Variants in MACROD2 observed in about 807,000 individuals in gnomAD.
The protein encoded by MACROD2 is mono-ADP ribosylhydrolase 2, also known as ADP-ribose glycohydrolase MACROD2.
A neutral mutation model predicts 70.4 loss-of-function variants in MACROD2; 36 were observed. The observed-to-expected ratio is 0.51, with a 90% CI of 0.39 to 0.68. The LOEUF is 0.68. MACROD2 is among the 30% of genes least tolerant of loss of function. The pLI is 0.00. For synonymous variants in MACROD2, 172 were observed against 178.8 expected (o/e 0.96, Z 0.30); for missense variants, 496 against 538.4 (o/e 0.92, Z 0.78).
At chr20:15,118,756 C>A (rs976825339) in intron 5 of MACROD2, among the ~76,000 whole-genome samples, 1 of 152,140 alleles carries the variant, frequency 6.6e-6, no homozygotes, top group African/African-American at 2.4e-5. Context: ...CTATGGTGTG[C>A]TTTTCTTCAA....
chr20:15,810,583 C>T (rs2063810281), intron 8 of MACROD2, among the ~76,000 whole-genome samples: 2 of 152,286 alleles, frequency 1.3e-5, no homozygotes, highest in Admixed American at 1.3e-4. Context: ...TTGGAAAAAA[C>T]TACTTTAAAG....
At chr20:15,372,681 A>G (rs2045509442) in intron 6 of MACROD2, among the ~76,000 whole-genome samples, 1 of 152,156 alleles carries the variant, frequency 6.6e-6, no homozygotes, top group Non-Finnish European at 1.5e-5. Flanking sequence ...ACAGATTTTA[A>G]AATTATGTTT....
At chr20:14,653,320 G>A (rs916517946) in intron 4 of MACROD2, among the ~76,000 whole-genome samples, 1 of 150,850 alleles carries the variant, frequency 6.6e-6, no homozygotes, top group Non-Finnish European at 1.5e-5. Flanking sequence ...CCGGGTTCAC[G>A]CCATTCTCCT....
chr20:15,664,838 G>C (rs6034249), intron 8 of MACROD2, among the ~76,000 whole-genome samples: 82,507 of 151,908 alleles, frequency 0.54, 22,990 homozygotes, highest in East Asian at 0.85. Context: ...CCCAAAGTCA[G>C]GGTGTGGGGA....
At chr20:15,030,268 C>T (rs1460806179) in intron 5 of MACROD2, among the ~76,000 whole-genome samples, 1 of 152,012 alleles carries the variant, frequency 6.6e-6, no homozygotes, top group African/African-American at 2.4e-5. Flanking sequence ...AGTCCTCAGC[C>T]TGGGAAATAT....
At chr20:15,768,261 A>G (rs1398983344) in intron 8 of MACROD2, among the ~76,000 whole-genome samples, 3 of 152,034 alleles carry the variant, frequency 2.0e-5, no homozygotes, top group African/African-American at 7.2e-5. Flanking sequence ...ACCAACCTAA[A>G]TGTTATAGCC....
chr20:14,489,182 G>A (rs1022065820), intron 3 of MACROD2, among the ~76,000 whole-genome samples: 4 of 152,100 alleles, frequency 2.6e-5, no homozygotes, highest in African/African-American at 9.7e-5. Context: ...TTCTCGCTTC[G>A]TCAGCTTCAA....
intron 9 of MACROD2, among the ~76,000 whole-genome samples, chr20:15,863,116 C>T (rs1249952962): frequency 6.6e-6 from 1 of 152,034 alleles, no homozygotes; most frequent in African/African-American, 2.4e-5. Context: ...AAGATGCTTC[C>T]CCTGGCCTTA....
chr20:14,294,112 A>G (rs1047932716), intron 3 of MACROD2, among the ~76,000 whole-genome samples: 1 of 151,822 alleles, frequency 6.6e-6, no homozygotes, highest in Non-Finnish European at 1.5e-5. Flanking sequence ...CAACCAAACC[A>G]AATCACTTTT....
intron 3 of MACROD2, among the ~76,000 whole-genome samples, chr20:14,388,908 C>T (rs1223643133): frequency 2.0e-5 from 3 of 152,040 alleles, no homozygotes; most frequent in Non-Finnish European, 4.4e-5. Flanking sequence ...GATAGAGTCT[C>T]ATTCTATTGC....
At chr20:15,649,512 C>A (rs1419710016) in intron 8 of MACROD2, among the ~76,000 whole-genome samples, 6 of 152,088 alleles carry the variant, frequency 3.9e-5, no homozygotes. Context: ...ATAGCCTCAA[C>A]TCTCACTGTC....
chr20:14,436,978 G>C lies in MACROD2; in HGVS notation c.272-56501G>C, dbSNP rs147881533. 3.0e-3 allele frequency among the ~76,000 whole-genome samples: 460 copies of C among 152,198 alleles called. 4 individuals are homozygous for C. The highest frequency in any genetic ancestry group is 0.011 in the African/African-American group (440 of 41,544). On this transcript the variant is annotated intron_variant, in intron 3 of 17. Coordinates refer to ENST00000684519, the MANE Select transcript of MACROD2 (RefSeq NM_001351661.2). Reference sequence around the variant, plus strand: ...AAACATCTATCCTGACAATGAAGTGGATTTTCACTTATACAAATAGCTTTT... The same window carrying C: ...AAACATCTATCCTGACAATGAAGTGCATTTTCACTTATACAAATAGCTTTT...
intron 5 of MACROD2, among the ~76,000 whole-genome samples, chr20:14,976,583 T>G (rs2074741723): frequency 6.6e-6 from 1 of 152,162 alleles, no homozygotes; most frequent in South Asian, 2.1e-4. Flanking sequence ...TAAGGTGACA[T>G]TCACAGAGTC....
chr20:15,477,495 G>A (rs919173174), intron 7 of MACROD2, among the ~76,000 whole-genome samples: 4 of 151,966 alleles, frequency 2.6e-5, no homozygotes, highest in East Asian at 1.9e-4. Context: ...GGGTATGTGC[G>A]AGTTTTAAAA....
intron 3 of MACROD2, among the ~76,000 whole-genome samples, chr20:14,152,814 C>A (rs2055043702): frequency 2.6e-5 from 4 of 152,112 alleles, no homozygotes; most frequent in Admixed American, 2.6e-4. Flanking sequence ...ATAATCTTGG[C>A]AACTCTTGTG....
chr20:14,472,812 T>C (rs759817616), intron 3 of MACROD2, among the ~76,000 whole-genome samples: 10 of 151,946 alleles, frequency 6.6e-5, no homozygotes, highest in Admixed American at 2.6e-4. Flanking sequence ...AGGAGCCTGG[T>C]ATTTGGTGGT....
intron 5 of MACROD2, among the ~76,000 whole-genome samples, chr20:15,222,620 T>C (rs2076871654): frequency 6.6e-6 from 1 of 152,228 alleles, no homozygotes; most frequent in Non-Finnish European, 1.5e-5. Context: ...CACAGCATTA[T>C]TATGCAGTCT....
At chr20:14,612,602 A>G (rs6135205) in intron 4 of MACROD2, among the ~76,000 whole-genome samples, 17,009 of 152,044 alleles carry the variant, frequency 0.11, 1,372 homozygotes, top group South Asian at 0.33. Flanking sequence ...CAGTTGCTCA[A>G]CTGCAGCTCA....
intron 6 of MACROD2, among the ~76,000 whole-genome samples, chr20:15,355,003 A>G (rs1345751306): frequency 6.6e-6 from 1 of 152,242 alleles, no homozygotes; most frequent in Non-Finnish European, 1.5e-5. Flanking sequence ...ATTCCATTTT[A>G]CAAATGAGAA....
Sources: allele counts gnomAD v4.1 joint callset (sites outside exome capture counted in the v4.1 genomes callset), GRCh38; gene constraint gnomAD v4.1.1; transcripts MANE v1.5; gene names NCBI Gene and HGNC (gene_info 2026-07-23, HGNC 2026-07-21).